PKNOX1: variants seen among roughly 807,000 people sequenced by gnomAD.
PKNOX1 encodes homeobox protein PKNOX1.
A neutral mutation model predicts 51.9 loss-of-function variants in PKNOX1; 15 were observed. The observed-to-expected ratio is 0.29, with a 90% CI of 0.19 to 0.45. The LOEUF (loss-of-function observed/expected upper bound fraction) is 0.45. PKNOX1 is among the 20% of genes least tolerant of loss of function. The probability of loss-of-function intolerance (pLI) is 1.00; values close to 1 mark genes in which losing one functional copy is unlikely to be tolerated. For missense variants in PKNOX1, 462 were observed against 547.5 expected, an observed-to-expected ratio of 0.84 and a Z score of 1.56; for synonymous variants, 219 against 211.1, an observed-to-expected ratio of 1.04 and a Z score of -0.32.
chr21:43,002,369 T>C (rs375815474), intron 1 of PKNOX1, among the ~76,000 whole-genome samples: 56 of 152,036 alleles, frequency 3.7e-4, no homozygotes, highest in African/African-American at 1.3e-3. Flanking sequence ...CTTGTACCCA[T>C]TGACCGTACC....
At chr21:43,013,344 CT>C in intron 5 of PKNOX1, 106 bp downstream of exon 5, 1 of 861,004 alleles carries the variant, frequency 1.2e-6, no homozygotes. Flanking sequence ...ATCTTTATGA[CT>C]TTCTACAAGA....
At position 43,016,983 on chromosome 21, in the gene PKNOX1, A is replaced by T; in HGVS notation, c.598A>T (p.Asn200Tyr). ...VVPASALQQG[N>Y]VAMATVAGGT... is the part of the protein sequence containing the mutation. ...GCCGGCGTCCGCGCTGCAGCAGGGA[A>T]ACGTAGCCATGGCGACGGTGGCAGG... is the stretch of plus-strand genomic sequence containing the variant. Residue 200 changes from asparagine to tyrosine, a missense_variant, in exon 6 of 11, where the codon AAC becomes TAC. Asn to Tyr is a moderately radical substitution (Grantham distance 143, BLOSUM62 -2). This residue lies in a region of PKNOX1 where 126 missense variants were observed against 128.1 expected (regional missense o/e 0.98). Transcript: ENST00000291547. 6.2e-7 allele frequency: 1 copy of T among 1,612,778 alleles called. No individual in the cohort carries two copies. The highest frequency in any genetic ancestry group is 8.5e-7 in the Non-Finnish European group (1 of 1,179,706).
chr21:42,985,238 C>T (rs752002455), intron 1 of PKNOX1, among the ~76,000 whole-genome samples: 12 of 151,824 alleles, frequency 7.9e-5, no homozygotes, highest in South Asian at 4.1e-4. Flanking sequence ...CCACCCTCCT[C>T]GGCCTCTCAA....
chr21:43,012,536 C>T (rs1338855572), intron 4 of PKNOX1, among the ~76,000 whole-genome samples: 2 of 152,164 alleles, frequency 1.3e-5, no homozygotes, highest in Non-Finnish European at 2.9e-5. Context: ...CTTCAGCCTC[C>T]AGCTTGGGCA....
chr21:42,977,353 G>C (rs2059002083), intron 1 of PKNOX1, among the ~76,000 whole-genome samples: 1 of 152,122 alleles, frequency 6.6e-6, no homozygotes, highest in African/African-American at 2.4e-5. Context: ...TCCAAAGGAA[G>C]TCTTTTGTCT....
intron 5 of PKNOX1, among the ~76,000 whole-genome samples, chr21:43,013,945 G>A (rs916630215): frequency 6.6e-6 from 1 of 151,574 alleles, no homozygotes; most frequent in African/African-American, 2.4e-5. Flanking sequence ...TTCCCTGATG[G>A]CTAATAATGT....
intron 1 of PKNOX1, among the ~76,000 whole-genome samples, chr21:42,992,099 G>C (rs1022624505): frequency 6.6e-6 from 1 of 152,188 alleles, no homozygotes; most frequent in African/African-American, 2.4e-5. Context: ...GTCTTTCGTG[G>C]TGCTTGCCTC....
chr21:42,984,666 G>A (rs1411863870), intron 1 of PKNOX1, among the ~76,000 whole-genome samples: 3 of 152,212 alleles, frequency 2.0e-5, no homozygotes, highest in African/African-American at 4.8e-5. Context: ...GGGATTATAG[G>A]CGTGAGCCAC....
intron 8 of PKNOX1, among the ~76,000 whole-genome samples, chr21:43,023,777 G>A (rs2146291381): frequency 6.6e-6 from 1 of 152,130 alleles, no homozygotes. Context: ...ACCATGCCCG[G>A]CTAATTTTTT....
At chr21:43,019,275 C>T (rs902368699) in intron 7 of PKNOX1, among the ~76,000 whole-genome samples, 1 of 150,668 alleles carries the variant, frequency 6.6e-6, no homozygotes, top group Non-Finnish European at 1.5e-5. Context: ...GTCTATAATC[C>T]CAGCTGCTCG....
rs547383555 is a variant in PKNOX1, at chr21:43,014,195, G to T, written c.522+957G>T. Among the ~76,000 whole-genome samples the T allele has an allele frequency of 1.0e-3, 152 of 151,860 alleles. No individual in the cohort carries two copies. In the Middle Eastern group the frequency reaches 0.014, roughly 14 times the overall value. ...TGCCACCACACCCGGCTAATTTTTT[G>T]TATTTTTAGTAGAGACGGGGTTTCA... On this transcript the variant is annotated intron_variant, in intron 5 of 10. Coordinates refer to ENST00000291547, the MANE Select transcript of PKNOX1 (RefSeq NM_004571.5).
intron 4 of PKNOX1, among the ~76,000 whole-genome samples, chr21:43,011,265 T>G (rs1413244881): frequency 6.6e-6 from 1 of 151,568 alleles, no homozygotes; most frequent in Admixed American, 6.6e-5. Context: ...GAGACGGGAT[T>G]TCACCGTGTT....
At chr21:42,980,042 T>G (rs938549569) in intron 1 of PKNOX1, among the ~76,000 whole-genome samples, 1 of 152,238 alleles carries the variant, frequency 6.6e-6, no homozygotes, top group African/African-American at 2.4e-5. Flanking sequence ...GTACTCTATA[T>G]GTAGTTAACG....
At chr21:42,985,068 A>G (rs2059045244) in intron 1 of PKNOX1, among the ~76,000 whole-genome samples, 1 of 126,434 alleles carries the variant, frequency 7.9e-6, no homozygotes, top group Non-Finnish European at 1.6e-5. Flanking sequence ...GCTCACTGCA[A>G]CCTCTGTCTC....
Position 43,029,298 on chromosome 21 carries a change from C to T in PKNOX1, c.1099+424C>T, listed in dbSNP as rs1436840469. ...TTGCTTGTTCCCTGTGGCCTCTGCT[C>T]TCCATCCCCTGACGTAGGCAGCCAT... is the stretch of plus-strand genomic sequence containing the variant. On this transcript the variant is annotated intron_variant, in intron 10 of 10. Coordinates refer to ENST00000291547, the MANE Select transcript of PKNOX1 (RefSeq NM_004571.5). Among the ~76,000 whole-genome samples the T allele has an allele frequency of 5.3e-5, 8 of 152,118 alleles. 1 individual carries two copies. The highest frequency in any genetic ancestry group is 5.2e-4 in the Admixed American group (8 of 15,270).
chr21:43,028,949 C>G (rs1980105635), intron 10 of PKNOX1, 75 bp downstream of exon 10: 1 of 1,451,474 alleles, frequency 6.9e-7, no homozygotes, highest in Non-Finnish European at 9.7e-7. Context: ...TGGATCAGGC[C>G]TGTTAGCTGT....
At chr21:43,009,763 T>C (rs1179494346) in intron 3 of PKNOX1, among the ~76,000 whole-genome samples, 2 of 151,936 alleles carry the variant, frequency 1.3e-5, no homozygotes, top group African/African-American at 4.8e-5. Context: ...GGCAAATATA[T>C]AGAGATAGCA....
chr21:42,991,733 C>CA (rs11340187), intron 1 of PKNOX1, among the ~76,000 whole-genome samples: 18 of 137,896 alleles, frequency 1.3e-4, no homozygotes, highest in South Asian at 9.2e-4. Context: ...GACTCCGTCT[C>CA]AAAAAAAAAA....
intron 8 of PKNOX1, among the ~76,000 whole-genome samples, chr21:43,023,940 G>A (rs1365318233): frequency 2.0e-5 from 3 of 150,264 alleles, no homozygotes; most frequent in African/African-American, 7.4e-5. Context: ...TTCCCAGATG[G>A]CCAGGCTGGT....
Sources: allele counts gnomAD v4.1 joint callset (sites outside exome capture counted in the v4.1 genomes callset), GRCh38; gene constraint gnomAD v4.1.1; regional missense constraint gnomAD v4.1.1; transcripts MANE v1.5; gene names NCBI Gene and HGNC (gene_info 2026-07-23, HGNC 2026-07-21).